The following CEP192 variants were observed in gnomAD, a reference collection of about 807,000 sequenced individuals.
CEP192 encodes centrosomal protein 192, also known as centrosomal protein of 192 kDa.
CEP192 carries 151 observed loss-of-function variants against 271.8 expected under a neutral mutation model. The ratio of observed to expected loss-of-function variants is 0.56; its 90% CI spans 0.49 to 0.64. CEP192 has a LOEUF of 0.64. CEP192 is among the 30% of genes least tolerant of loss of function. The probability of loss-of-function intolerance (pLI) is 0.00; values close to 1 mark genes in which losing one functional copy is unlikely to be tolerated. For synonymous variants in CEP192, 995 were observed against 1,076.5 expected, an observed-to-expected ratio of 0.92 and a Z score of 1.48; for missense variants, 2,910 against 3,020.5, an observed-to-expected ratio of 0.96 and a Z score of 0.86.
At chr18:13,110,376 A>G (rs909227110) in intron 40 of CEP192, among the ~76,000 whole-genome samples, 1 of 152,178 alleles carries the variant, frequency 6.6e-6, no homozygotes, top group Non-Finnish European at 1.5e-5. Flanking sequence ...GTTCCACAGA[A>G]CTATGGAATA....
At chr18:13,046,522 A>G (rs1335957062) in intron 15 of CEP192, among the ~76,000 whole-genome samples, 8 of 151,992 alleles carry the variant, frequency 5.3e-5, no homozygotes, top group Admixed American at 4.6e-4. Flanking sequence ...GTTTTATATG[A>G]TTCCAATTTT....
At chr18:13,071,718 G>T (rs1397070962) in intron 28 of CEP192, among the ~76,000 whole-genome samples, 2 of 148,384 alleles carry the variant, frequency 1.3e-5, no homozygotes, top group South Asian at 2.2e-4. Flanking sequence ...AAAATTGTTT[G>T]TTGTTGTTTT....
intron 30 of CEP192, among the ~76,000 whole-genome samples, chr18:13,077,292 A>T (rs914776480): frequency 1.2e-4 from 19 of 152,162 alleles, no homozygotes; most frequent in African/African-American, 4.6e-4. Flanking sequence ...ATGCTCCAGA[A>T]TCAGAAACTT....
Position 13,056,673 on chromosome 18 carries a change from G to A in CEP192, c.4083G>A (p.Trp1361Ter). The A allele has an allele frequency of 6.2e-7, 1 of 1,606,612 alleles. No homozygotes were observed. Among genetic ancestry groups the A allele is most frequent in the Non-Finnish European group, 8.5e-7 (1 of 1,177,104 alleles). ...SVGTNCGIEP[W>*]DSGVTSGLGS... ...GTACAAACTGTGGAATTGAACCATG[G>A]GATTCAGGAGTGACATCAGGATTGG... The change falls in exon 19 of 45, where the codon TGG (tryptophan) becomes TGA (stop). Residue 1361 changes from tryptophan (W) to a stop codon, truncating the protein, a stop_gained. Transcript: ENST00000506447. LOFTEE classifies it high-confidence loss of function.
Position 13,056,638 on chromosome 18 carries a change from C to T in CEP192, c.4048C>T (p.Pro1350Ser). Residue 1350 changes from proline (P) to serine (S), a missense_variant, in exon 19 of 45, where the codon CCG (proline) becomes TCG (serine). Pro to Ser is a moderately conservative substitution (Grantham distance 74, BLOSUM62 -1). Transcript: ENST00000506447. ...LLSTTKPFPV[P>S]SVGTNCGIEP... ...AAGCACAACAAAACCTTTTCCTGTG[C>T]CGTCTGTTGGTACAAACTGTGGAAT... 1.2e-6 allele frequency: 2 copies of T among 1,613,688 alleles called. No individual in the cohort carries two copies. Among genetic ancestry groups the T allele is most frequent in the Non-Finnish European group, 1.7e-6 (2 of 1,179,750 alleles).
intron 4 of CEP192, 80 bp downstream of exon 4, chr18:13,008,711 T>C: frequency 7.8e-7 from 1 of 1,284,864 alleles, no homozygotes; most frequent in Non-Finnish European, 1.1e-6. Context: ...GATTTTTTTT[T>C]TTTTTTTTTG....
Position 13,018,478 on chromosome 18 carries a change from A to C in CEP192, c.790-2A>C. The C allele has an allele frequency of 2.0e-6, 3 of 1,508,828 alleles. No homozygotes were observed. The highest frequency in any genetic ancestry group is 2.7e-6 in the Non-Finnish European group (3 of 1,121,536). The allele number at this position is 1,508,828 out of a possible 1,614,324, so 93.5% of individuals were successfully genotyped here. Reference sequence around the variant, plus strand: ...AATACAGCTAAGATATTCTTTCAACAGGCAAATGAAAACGGTAGCTTAAAC... The same window carrying C: ...AATACAGCTAAGATATTCTTTCAACCGGCAAATGAAAACGGTAGCTTAAAC... On this transcript the variant is annotated splice_acceptor_variant, in intron 7 of 44. Transcript: ENST00000506447. LOFTEE classifies it high-confidence loss of function.
intron 1 of CEP192, among the ~76,000 whole-genome samples, chr18:12,994,157 A>G (rs2033065500): frequency 6.6e-6 from 1 of 152,226 alleles, no homozygotes; most frequent in Non-Finnish European, 1.5e-5. Context: ...GCTCTTAGGG[A>G]GAAATTATTT....
intron 11 of CEP192, among the ~76,000 whole-genome samples, chr18:13,032,333 G>A (rs1000228539): frequency 6.6e-6 from 1 of 152,188 alleles, no homozygotes; most frequent in Non-Finnish European, 1.5e-5. Flanking sequence ...ACCATTACCT[G>A]AGGCGGGGAG....
At position 13,124,831 on chromosome 18, in the gene CEP192, C is replaced by A; in HGVS notation, c.*61C>A. ...GTTGTATTTTGTTAACTTTATCTTT[C>A]TACACTACAATTATGCTTTTGTATA... On this transcript the variant is annotated 3_prime_UTR_variant, in exon 45 of 45. Coordinates refer to ENST00000506447, the MANE Select transcript of CEP192 (RefSeq NM_032142.4). The A allele has an allele frequency of 7.8e-7, 1 of 1,280,138 alleles. No individual in the cohort carries two copies. Among genetic ancestry groups the A allele is most frequent in the Non-Finnish European group, 1.1e-6 (1 of 908,412 alleles). 79.3% of individuals were successfully genotyped at this position (1,280,138 alleles called of 1,614,324 possible).
chr18:13,009,233 T>C (rs906963199), intron 4 of CEP192, among the ~76,000 whole-genome samples: 2 of 152,140 alleles, frequency 1.3e-5, no homozygotes, highest in African/African-American at 2.4e-5. Flanking sequence ...TAATATCATA[T>C]TTACAGTACT....
rs144949077 is a variant in CEP192, at chr18:13,062,952, G to A, written c.4488+3640G>A. ...GTAAGTTCAATTGATTTGATTTTTA[G>A]AAACCAGAAATAAGTGAGAACGTGA... is the stretch of plus-strand genomic sequence containing the variant. On this transcript the variant is annotated intron_variant, in intron 21 of 44. Coordinates refer to ENST00000506447, the MANE Select transcript of CEP192 (RefSeq NM_032142.4). 7.4e-4 allele frequency among the ~76,000 whole-genome samples: 113 copies of A among 151,996 alleles called. 4 individuals are homozygous for A. In the East Asian group the frequency reaches 0.021, roughly 28 times the overall value.
At chr18:13,006,214 C>T (rs2033971267) in intron 3 of CEP192, among the ~76,000 whole-genome samples, 1 of 149,226 alleles carries the variant, frequency 6.7e-6, no homozygotes, top group Non-Finnish European at 1.5e-5. Context: ...TTCTTTTTTT[C>T]TCATGCTCAT....
At chr18:13,123,908 C>T (rs958159787) in intron 44 of CEP192, among the ~76,000 whole-genome samples, 1 of 152,114 alleles carries the variant, frequency 6.6e-6, no homozygotes, top group Non-Finnish European at 1.5e-5. Flanking sequence ...GCCTGTAATC[C>T]TAGCACTTTG....
intron 21 of CEP192, among the ~76,000 whole-genome samples, chr18:13,062,394 A>G (rs956107290): frequency 6.6e-6 from 1 of 152,234 alleles, no homozygotes; most frequent in Non-Finnish European, 1.5e-5. Context: ...TCCCAGGTAC[A>G]TAATACAAAT....
rs538392733 is a variant in CEP192, at chr18:13,096,284, G to A, written c.6534G>A (p.Pro2178=). The A allele has an allele frequency of 2.0e-5, 32 of 1,613,744 alleles. No homozygotes were observed. The Admixed American group carries it at 2.0e-4, about 10-fold the overall frequency. ...CAGCGCATTGCCTCACAGTCACGCC[G>A]CAGCATGGATGTGTCGCGCCAGAGT... ...CWPAHCLTVT[P]QHGCVAPESK... The change falls in exon 36 of 45, where the codon CCG becomes CCA. Residue 2178 remains proline, a synonymous_variant. Transcript: ENST00000506447.
chr18:13,113,749 A>T lies in CEP192; in HGVS notation c.7167+44A>T, dbSNP rs758147596. The T allele has an allele frequency of 3.6e-5, 55 of 1,530,318 alleles. No individual in the cohort carries two copies. The African/African-American group carries it at 5.6e-4, about 16-fold the overall frequency. The allele number at this position is 1,530,318 out of a possible 1,614,324, so 94.8% of individuals were successfully genotyped here. On this transcript the variant is annotated intron_variant, in intron 41 of 44. Coordinates refer to ENST00000506447, the MANE Select transcript of CEP192 (RefSeq NM_032142.4). ...TTAAGTAAATTATTGTATGTATTTTAAAAACAGAAAGGGAAATTAATAAGA... is the reference window on the plus strand; with the variant it reads ...TTAAGTAAATTATTGTATGTATTTTTAAAACAGAAAGGGAAATTAATAAGA...
chr18:13,084,624 G>A (rs1244827362), intron 30 of CEP192, among the ~76,000 whole-genome samples: 2 of 152,106 alleles, frequency 1.3e-5, no homozygotes, highest in Admixed American at 6.5e-5. Flanking sequence ...CCCTCCGTGG[G>A]CTGCACCCAC....
intron 30 of CEP192, among the ~76,000 whole-genome samples, chr18:13,081,150 C>T (rs1293298461): frequency 3.3e-5 from 5 of 152,126 alleles, no homozygotes; most frequent in Non-Finnish European, 7.4e-5. Context: ...ATGCTGGCCT[C>T]ATAAAAAATG....
Sources: allele counts gnomAD v4.1 joint callset (sites outside exome capture counted in the v4.1 genomes callset), GRCh38; gene constraint gnomAD v4.1.1; transcripts MANE v1.5; gene names NCBI Gene and HGNC (gene_info 2026-07-23, HGNC 2026-07-21).